CR1: variants seen among roughly 807,000 people sequenced by gnomAD.
CR1 encodes complement receptor type 1.
CR1 carries 116 observed loss-of-function variants against 187.3 expected under a neutral mutation model. The observed-to-expected ratio is 0.62, with a 90% CI of 0.53 to 0.72. The LOEUF (loss-of-function observed/expected upper bound fraction) is 0.72, where lower values mean the gene tolerates loss of function less well. CR1 is among the 30% of genes least tolerant of loss of function. The pLI is 0.00. For missense variants in CR1, 1,731 were observed against 2,110.7 expected, an observed-to-expected ratio of 0.82 and a Z score of 3.52; for synonymous variants, 576 against 747.1, an observed-to-expected ratio of 0.77 and a Z score of 3.73.
At position 207,627,004 on chromosome 1, in the gene CR1, C is replaced by T. The variant is rs1486496935; in HGVS notation, c.7353-3513C>T. 2.6e-5 allele frequency among the ~76,000 whole-genome samples: 4 copies of T among 152,068 alleles called. No homozygotes were observed. The East Asian group carries it at 5.8e-4, about 22-fold the overall frequency. On this transcript the variant is annotated intron_variant, in intron 45 of 46. Coordinates refer to ENST00000367049, the MANE Select transcript of CR1 (RefSeq NM_000651.6). ...AGTGAGTTGAGATTGTGCCACTGCACTCCAGCCTGGGCAACAAAGGCAAAA... is the reference window on the plus strand; with the variant it reads ...AGTGAGTTGAGATTGTGCCACTGCATTCCAGCCTGGGCAACAAAGGCAAAA...
At chr1:207,618,492 T>A (rs1413342259) in intron 42 of CR1, among the ~76,000 whole-genome samples, 1 of 152,194 alleles carries the variant, frequency 6.6e-6, no homozygotes, top group African/African-American at 2.4e-5. Flanking sequence ...ATTCTCAAAC[T>A]CCATTCCATG....
chr1:207,625,462 C>T (rs1662451229), intron 45 of CR1, among the ~76,000 whole-genome samples: 1 of 152,250 alleles, frequency 6.6e-6, no homozygotes. Flanking sequence ...TAAACTTTTA[C>T]TTTTGACCTG....
At position 207,500,299 on chromosome 1, in the gene CR1, T is replaced by C. The variant is rs151183915; in HGVS notation, c.121+3911T>C. On this transcript the variant is annotated intron_variant, in intron 1 of 46. Coordinates refer to ENST00000367049, the MANE Select transcript of CR1 (RefSeq NM_000651.6). Reference sequence around the variant, plus strand: ...AATTTATGTTCGTGTACATATATAATTTATAAATTTATATATTTGAAAGGG... The same window carrying C: ...AATTTATGTTCGTGTACATATATAACTTATAAATTTATATATTTGAAAGGG... Among the ~76,000 whole-genome samples, 360 of 152,324 alleles carry C rather than the reference T, an allele frequency of 2.4e-3. 1 individual carries two copies. Among genetic ancestry groups the C allele is most frequent in the African/African-American group, 8.5e-3 (352 of 41,576 alleles).
At chr1:207,567,241 C>A (rs2102326934) in intron 24 of CR1, among the ~76,000 whole-genome samples, 1 of 146,914 alleles carries the variant, frequency 6.8e-6, no homozygotes, top group Non-Finnish European at 1.5e-5. Context: ...TTTTCAAAAG[C>A]AAAGCCATCT....
chr1:207,567,558 CA>C (rs1209036840), intron 24 of CR1, among the ~76,000 whole-genome samples: 5 of 150,250 alleles, frequency 3.3e-5, no homozygotes, highest in Non-Finnish European at 7.4e-5. Context: ...TTTTCTTCTT[CA>C]AATGTTTTGC....
intron 4 of CR1, among the ~76,000 whole-genome samples, chr1:207,521,896 T>C (rs1219008973): frequency 6.6e-6 from 1 of 151,074 alleles, no homozygotes; most frequent in Non-Finnish European, 1.5e-5. Flanking sequence ...CTCAAACTCC[T>C]GAGCTCAAAC....
At chr1:207,503,924 A>G (rs1357583949) in intron 1 of CR1, among the ~76,000 whole-genome samples, 1 of 152,240 alleles carries the variant, frequency 6.6e-6, no homozygotes, top group Non-Finnish European at 1.5e-5. Context: ...AGGAAAGAAA[A>G]ACATTGTATG....
rs1184699500 is a variant in CR1, at chr1:207,609,319, T to C, written c.5926T>C (p.Ser1976Pro). ...IISCEPPPTI[S>P]NGDFYSNNRT... ...ATCTTGTGAGCCACCTCCAACCATA[T>C]CCAATGGAGACTTCTACAGCAACAA... Residue 1976 changes from serine to proline, a missense_variant, in exon 37 of 47, where the codon TCC becomes CCC. Coordinates refer to ENST00000367049, the MANE Select transcript of CR1 (RefSeq NM_000651.6). 6.2e-7 allele frequency: 1 copy of C among 1,613,686 alleles called. No homozygotes were observed. Among genetic ancestry groups the C allele is most frequent in the Non-Finnish European group, 8.5e-7 (1 of 1,179,778 alleles).
chr1:207,502,613 A>T (rs1659305889), intron 1 of CR1, among the ~76,000 whole-genome samples: 1 of 152,208 alleles, frequency 6.6e-6, no homozygotes, highest in African/African-American at 2.4e-5. Context: ...GTGGCACAAG[A>T]TGAGGCAGGG....
At chr1:207,575,561 T>A in intron 27 of CR1, 34 bp from the exon 28 acceptor site, 1 of 1,611,764 alleles carries the variant, frequency 6.2e-7, no homozygotes, top group Non-Finnish European at 8.5e-7. Flanking sequence ...ATGAGGTATG[T>A]ACAGGACAAT....
Position 207,565,941 on chromosome 1 carries a change from C to T in CR1, c.3952+18C>T, listed in dbSNP as rs1660481709. 1 of 1,610,810 alleles carries T rather than the reference C, an allele frequency of 6.2e-7. No homozygotes were observed. The highest frequency in any genetic ancestry group is 8.5e-7 in the Non-Finnish European group (1 of 1,179,488). ...GTGTGAACGTGAGTAATAGGAGCAA[C>T]ATTTCAGGCCAATCTCTCCCCTTCA... On this transcript the variant is annotated intron_variant, in intron 24 of 46. Coordinates refer to ENST00000367049, the MANE Select transcript of CR1 (RefSeq NM_000651.6).
At chr1:207,618,050 T>C in intron 41 of CR1, 21 bp from the exon 42 acceptor site, 1 of 1,606,384 alleles carries the variant, frequency 6.2e-7, no homozygotes, top group Non-Finnish European at 8.5e-7. Flanking sequence ...TTCTTGTGTT[T>C]GTGTGGGAAC....
chr1:207,640,068 G>A lies in CR1; in HGVS notation c.*659G>A, dbSNP rs1408810820. 1.3e-5 allele frequency: 2 copies of A among 152,196 alleles called. No homozygotes were observed. The highest frequency in any genetic ancestry group is 4.8e-5 in the African/African-American group (2 of 41,438). The allele number at this position is 152,196 out of a possible 1,614,324, so 9.4% of individuals were successfully genotyped here. A position where few individuals can be genotyped will look rare whatever the true frequency, so the allele number is the denominator to read the frequency against. ...TACTAGAAAGGCATGAAATGATCAT[G>A]GGAAGAGTGGTTAAGACTACTGAAG... On this transcript the variant is annotated 3_prime_UTR_variant, in exon 47 of 47. Coordinates refer to ENST00000367049, the MANE Select transcript of CR1 (RefSeq NM_000651.6).
At chr1:207,619,131 C>A in intron 42 of CR1, among the ~76,000 whole-genome samples, 1 of 150,542 alleles carries the variant, frequency 6.6e-6, no homozygotes, top group African/African-American at 2.4e-5. Context: ...GCCTGTAATC[C>A]CAGCACTTTG....
At chr1:207,607,951 C>G (rs1405691673) in intron 36 of CR1, among the ~76,000 whole-genome samples, 1 of 152,162 alleles carries the variant, frequency 6.6e-6, no homozygotes, top group Non-Finnish European at 1.5e-5. Flanking sequence ...CGTCATCGCA[C>G]ACAGAGTTGA....
intron 5 of CR1, among the ~76,000 whole-genome samples, chr1:207,524,574 G>A (rs1163411184): frequency 6.6e-6 from 1 of 151,928 alleles, no homozygotes; most frequent in Non-Finnish European, 1.5e-5. Flanking sequence ...TTTTTGTAGG[G>A]ATAGAGTCTC....
chr1:207,604,066 T>A (rs1661681119), intron 35 of CR1, among the ~76,000 whole-genome samples: 1 of 152,188 alleles, frequency 6.6e-6, no homozygotes, highest in Non-Finnish European at 1.5e-5. Flanking sequence ...GAGTTTATAT[T>A]ACTGCTAGGT....
chr1:207,513,132 G>A (rs1659673083), intron 4 of CR1, among the ~76,000 whole-genome samples: 1 of 152,188 alleles, frequency 6.6e-6, no homozygotes, highest in Non-Finnish European at 1.5e-5. Flanking sequence ...TACAAATCAA[G>A]TAACACTTTA....
Position 207,496,258 on chromosome 1 carries a change from C to G in CR1, c.-10C>G, listed in dbSNP as rs754912397. The G allele has an allele frequency of 6.2e-7, 1 of 1,613,884 alleles. No individual in the cohort carries two copies. Among genetic ancestry groups the G allele is most frequent in the East Asian group, 2.2e-5 (1 of 44,872 alleles). On this transcript the variant is annotated 5_prime_UTR_variant, in exon 1 of 47. Coordinates refer to ENST00000367049, the MANE Select transcript of CR1 (RefSeq NM_000651.6). ...AGATCAAATCTGGTTTGTAGATGTG[C>G]TTGGGGAGAATGGGGGCCTCTTCTC...
Sources: allele counts gnomAD v4.1 joint callset (sites outside exome capture counted in the v4.1 genomes callset), GRCh38; gene constraint gnomAD v4.1.1; transcripts MANE v1.5; gene names NCBI Gene and HGNC (gene_info 2026-07-23, HGNC 2026-07-21).